Variants in ITCH observed in about 807,000 individuals in gnomAD.
The protein encoded by ITCH is itchy E3 ubiquitin protein ligase.
ITCH carries 28 observed loss-of-function variants against 126.8 expected under a neutral mutation model. The ratio of observed to expected loss-of-function variants is 0.22; its 90% CI spans 0.16 to 0.30. The LOEUF (loss-of-function observed/expected upper bound fraction) is 0.30, where lower values mean the gene tolerates loss of function less well. Among genes scored for constraint, ITCH ranks in the 10% least tolerant of loss-of-function variants. ITCH has a pLI of 1.00. For synonymous variants in ITCH, 342 were observed against 340.0 expected (o/e 1.01, Z -0.06); for missense variants, 631 against 1,032.4 (o/e 0.61, Z 5.33).
chr20:34,416,457 C>T (rs1021397985), intron 6 of ITCH, among the ~76,000 whole-genome samples: 1 of 152,100 alleles, frequency 6.6e-6, no homozygotes, highest in African/African-American at 2.4e-5. Flanking sequence ...TTATGAATGT[C>T]ATCTCTCAGT....
intron 2 of ITCH, among the ~76,000 whole-genome samples, chr20:34,385,555 ATGTTTGTCAGAAAGC>A (rs1256242904): frequency 1.3e-5 from 2 of 152,088 alleles, no homozygotes; most frequent in Non-Finnish European, 2.9e-5. Context: ...TAATTTTGAA[ATGTTTGTCAGAAAGC>A]TGTTTGTCAG....
chr20:34,420,134 A>G (rs1980560055), intron 6 of ITCH, among the ~76,000 whole-genome samples: 1 of 152,210 alleles, frequency 6.6e-6, no homozygotes, highest in Non-Finnish European at 1.5e-5. Flanking sequence ...ATTAACGGTT[A>G]TATAAAGTGT....
At chr20:34,392,598 C>T (rs1329410467) in intron 2 of ITCH, among the ~76,000 whole-genome samples, 1 of 152,286 alleles carries the variant, frequency 6.6e-6, no homozygotes, top group East Asian at 1.9e-4. Context: ...CTCAAGACAG[C>T]GTTTACAGTT....
chr20:34,490,479 G>T (rs1989432318), intron 22 of ITCH, among the ~76,000 whole-genome samples: 1 of 151,960 alleles, frequency 6.6e-6, no homozygotes, highest in Admixed American at 6.6e-5. Context: ...GACCGTCCTG[G>T]CTAACACGGT....
At chr20:34,486,310 G>A (rs183420510) in intron 20 of ITCH, among the ~76,000 whole-genome samples, 27 of 150,194 alleles carry the variant, frequency 1.8e-4, no homozygotes, top group African/African-American at 3.4e-4. Flanking sequence ...ATGAGCCGCC[G>A]CATCCAGTCC....
intron 23 of ITCH, among the ~76,000 whole-genome samples, chr20:34,495,243 C>A (rs1052929746): frequency 2.1e-5 from 3 of 145,592 alleles, no homozygotes; most frequent in South Asian, 2.1e-4. Flanking sequence ...CCAGCCTGGG[C>A]GACAAGAACA....
rs1198069733 is a variant in ITCH, at chr20:34,432,963, CAAAAACAAACAAACAAAAAAACACTATT to C, written c.522-5505_522-5478del. On this transcript the variant is annotated intron_variant, in intron 7 of 24. Coordinates refer to ENST00000374864, the MANE Select transcript of ITCH (RefSeq NM_031483.7). Reference sequence around the variant, plus strand: ...CAGAGCGAGAATCTGTCTCAGAAACCAAAAACAAACAAACAAAAAAACACTATTAAAAAGAAACAATTTAGGCCGGGCG... The same window carrying C: ...CAGAGCGAGAATCTGTCTCAGAAACCAAAAAGAAACAATTTAGGCCGGGCG... Among the ~76,000 whole-genome samples the C allele has an allele frequency of 2.0e-5, 3 of 150,592 alleles. No homozygotes were observed. In the East Asian group the frequency reaches 5.9e-4, roughly 30 times the overall value.
At chr20:34,376,917 T>A (rs921720855) in intron 2 of ITCH, among the ~76,000 whole-genome samples, 2 of 152,182 alleles carry the variant, frequency 1.3e-5, no homozygotes, top group Non-Finnish European at 2.9e-5. Context: ...TTTTCTCTAT[T>A]GACTTTTGTA....
intron 16 of ITCH, among the ~76,000 whole-genome samples, chr20:34,474,885 C>T (rs1244209235): frequency 6.6e-6 from 1 of 152,010 alleles, no homozygotes; most frequent in Non-Finnish European, 1.5e-5. Context: ...CGGAGGGGCT[C>T]CTCACTTCTC....
At chr20:34,440,125 C>A (rs1983542932) in intron 8 of ITCH, 30 bp from the exon 9 acceptor site, 8 of 1,500,448 alleles carry the variant, frequency 5.3e-6, no homozygotes, top group Admixed American at 1.7e-5. Context: ...ATGAAAGATT[C>A]TTTTCCTATT....
chr20:34,412,194 T>C (rs767900256), intron 4 of ITCH, among the ~76,000 whole-genome samples: 4 of 152,274 alleles, frequency 2.6e-5, no homozygotes, highest in Non-Finnish European at 4.4e-5. Flanking sequence ...GGATTTAATT[T>C]GTAAAGTTAC....
At chr20:34,457,363 T>C (rs772219189) in intron 12 of ITCH, 27 bp from the exon 13 acceptor site, 1 of 1,535,574 alleles carries the variant, frequency 6.5e-7, no homozygotes, top group Non-Finnish European at 9.0e-7. Flanking sequence ...AATGCTTTGC[T>C]TTCCCCTGCC....
At chr20:34,462,335 C>A in intron 14 of ITCH, 114 bp downstream of exon 14, 1 of 1,075,728 alleles carries the variant, frequency 9.3e-7, no homozygotes, top group Non-Finnish European at 1.4e-6. Context: ...GTTAGCTTGA[C>A]AATAGGTTTC....
Position 34,509,491 on chromosome 20 carries a change from T to C in ITCH, c.*1697T>C, listed in dbSNP as rs1014865360. 6.5e-5 allele frequency: 10 copies of C among 152,678 alleles called. No individual in the cohort carries two copies. The highest frequency in any genetic ancestry group is 1.5e-5 in the Non-Finnish European group (1 of 68,046). 9.5% of individuals were successfully genotyped at this position (152,678 alleles called of 1,614,324 possible). A position where few individuals can be genotyped will look rare whatever the true frequency, so the allele number is the denominator to read the frequency against. On this transcript the variant is annotated 3_prime_UTR_variant, in exon 25 of 25. Transcript: ENST00000374864. ...CCTGGAACAACAATAAAAACATTTT[T>C]TTAAACTTGTCTACTGTAAGATACT... is the stretch of plus-strand genomic sequence containing the variant.
At chr20:34,481,233 CTTTTTGTTTGACTACA>C in intron 20 of ITCH, 27 bp downstream of exon 20, 1 of 1,610,780 alleles carries the variant, frequency 6.2e-7, no homozygotes, top group Non-Finnish European at 8.5e-7. Context: ...TCACATTTCA[CTTTTTGTTTGACTACA>C]GCACATTGAT....
chr20:34,385,189 ATGTGTGTGTG>A (rs150658162), intron 2 of ITCH, among the ~76,000 whole-genome samples: 9 of 101,356 alleles, frequency 8.9e-5, no homozygotes, highest in South Asian at 3.5e-4. Flanking sequence ...AGCTAATTTT[ATGTGTGTGTG>A]TGTGTGTGTG....
At chr20:34,377,193 C>T (rs907737596) in intron 2 of ITCH, among the ~76,000 whole-genome samples, 13 of 151,732 alleles carry the variant, frequency 8.6e-5, no homozygotes, top group African/African-American at 2.7e-4. Flanking sequence ...GCCAACAGGG[C>T]GAAACCTCGT....
At chr20:34,496,733 G>A (rs1176993127) in intron 23 of ITCH, among the ~76,000 whole-genome samples, 1 of 151,140 alleles carries the variant, frequency 6.6e-6, no homozygotes, top group Non-Finnish European at 1.5e-5. Context: ...AACCCAGGAG[G>A]CGGAGGTTGA....
intron 7 of ITCH, among the ~76,000 whole-genome samples, chr20:34,431,665 C>G (rs1347945001): frequency 1.3e-5 from 2 of 151,572 alleles, no homozygotes; most frequent in African/African-American, 2.4e-5. Context: ...GAGGACAAAC[C>G]AAAAAAGGGA....
Sources: allele counts gnomAD v4.1 joint callset (sites outside exome capture counted in the v4.1 genomes callset), GRCh38; gene constraint gnomAD v4.1.1; transcripts MANE v1.5; gene names NCBI Gene and HGNC (gene_info 2026-07-23, HGNC 2026-07-21).